The following MIS18BP1 variants were observed in gnomAD, a reference collection of about 807,000 sequenced individuals.
MIS18BP1 encodes MIS18 binding protein 1.
In MIS18BP1, 72 loss-of-function variants were observed where a neutral mutation model predicts 116.1. The observed-to-expected ratio is 0.62, with a 90% confidence interval of 0.51 to 0.75. MIS18BP1 has a LOEUF of 0.75. MIS18BP1 is among the 30% of genes least tolerant of loss of function. MIS18BP1 has a pLI of 0.00. For synonymous variants in MIS18BP1, 386 were observed against 427.0 expected, an observed-to-expected ratio of 0.90 and a Z score of 1.18; for missense variants, 1,363 against 1,303.2, an observed-to-expected ratio of 1.05 and a Z score of -0.71.
intron 14 of MIS18BP1, among the ~76,000 whole-genome samples, chr14:45,209,330 A>T (rs1890612557): frequency 6.6e-6 from 1 of 151,606 alleles, no homozygotes; most frequent in African/African-American, 2.4e-5. Context: ...ATCTTCATTA[A>T]TTTCTTTTTT....
intron 3 of MIS18BP1, 76 bp from the exon 4 acceptor site, chr14:45,242,594 G>T: frequency 6.7e-7 from 1 of 1,498,582 alleles, no homozygotes. Context: ...ATAAATTTAG[G>T]TTAGGAACGT....
At chr14:45,239,156 T>C (rs962031629) in intron 4 of MIS18BP1, among the ~76,000 whole-genome samples, 6 of 151,038 alleles carry the variant, frequency 4.0e-5, no homozygotes, top group African/African-American at 1.5e-4. Flanking sequence ...TCAACAAATA[T>C]TTGTTGAGTT....
Position 45,224,694 on chromosome 14 carries a change from C to A in MIS18BP1, c.1893G>T (p.Gln631His). 6.2e-7 allele frequency: 1 copy of A among 1,609,662 alleles called. No individual in the cohort carries two copies. The highest frequency in any genetic ancestry group is 8.5e-7 in the Non-Finnish European group (1 of 1,178,764). Reference protein sequence around the residue: ...VSIDILTSREQFFSDEERKYM... With the variant: ...VSIDILTSREHFFSDEERKYM... ...ATTTTCTTTCTTCATCTGAGAAAAACTGTTCCCTTGAGGTTAGAATATCAA... is the reference window on the plus strand; with the variant it reads ...ATTTTCTTTCTTCATCTGAGAAAAAATGTTCCCTTGAGGTTAGAATATCAA... The change falls in exon 11 of 17, where the codon CAG becomes CAT. Residue 631 changes from glutamine to histidine, a missense_variant. Coordinates refer to ENST00000310806, the MANE Select transcript of MIS18BP1 (RefSeq NM_018353.5).
chr14:45,227,612 T>A, intron 9 of MIS18BP1, 51 bp downstream of exon 9: 1 of 1,453,656 alleles, frequency 6.9e-7, no homozygotes, highest in Non-Finnish European at 9.4e-7. Flanking sequence ...CAGTAGTAAA[T>A]CACCCTTCTA....
intron 5 of MIS18BP1, 56 bp from the exon 6 acceptor site, chr14:45,236,000 CAG>C (rs1891420559): frequency 1.4e-6 from 2 of 1,463,930 alleles, no homozygotes; most frequent in East Asian, 2.3e-5. Flanking sequence ...AAATTTCTAA[CAG>C]AAAATAATTT....
At chr14:45,204,801 AT>A (rs1890466887) in intron 15 of MIS18BP1, among the ~76,000 whole-genome samples, 1 of 152,092 alleles carries the variant, frequency 6.6e-6, no homozygotes, top group Non-Finnish European at 1.5e-5. Context: ...AACTTAAAAT[AT>A]AAACACAATT....
At chr14:45,214,398 A>G (rs376273403) in intron 13 of MIS18BP1, among the ~76,000 whole-genome samples, 2 of 152,206 alleles carry the variant, frequency 1.3e-5, no homozygotes, top group African/African-American at 4.8e-5. Context: ...TTTATGACAC[A>G]GAGACCTTTG....
chr14:45,247,841 T>C (rs1258353899), intron 1 of MIS18BP1, among the ~76,000 whole-genome samples: 1 of 152,190 alleles, frequency 6.6e-6, no homozygotes, highest in Non-Finnish European at 1.5e-5. Flanking sequence ...AGATCTATTC[T>C]AATAAAAGCT....
Position 45,227,826 on chromosome 14 carries a change from A to G in MIS18BP1, c.1595-12T>C, listed in dbSNP as rs1268132044. ...ATTACTCTTCAGTTCTATGAATACA[A>G]AGATGGAGATTTCAATAAATGGTTA... On this transcript the variant is annotated splice_polypyrimidine_tract_variant and intron_variant, in intron 8 of 16. Transcript: ENST00000310806. 1 of 1,608,316 alleles carries G rather than the reference A, an allele frequency of 6.2e-7. No homozygotes were observed. Among genetic ancestry groups the G allele is most frequent in the Non-Finnish European group, 8.5e-7 (1 of 1,177,574 alleles).
chr14:45,211,790 A>C (rs1450545086), intron 13 of MIS18BP1, among the ~76,000 whole-genome samples: 1 of 152,244 alleles, frequency 6.6e-6, no homozygotes, highest in Non-Finnish European at 1.5e-5. Context: ...CTGACCCTGT[A>C]GTAAGAACAT....
intron 1 of MIS18BP1, among the ~76,000 whole-genome samples, chr14:45,252,644 C>G (rs1056181387): frequency 6.6e-6 from 1 of 152,006 alleles, no homozygotes; most frequent in Non-Finnish European, 1.5e-5. Flanking sequence ...TTGCAACAAG[C>G]ATGCAATTTA....
At chr14:45,226,566 A>G (rs1891127249) in intron 10 of MIS18BP1, among the ~76,000 whole-genome samples, 177 bp downstream of exon 10, 1 of 152,196 alleles carries the variant, frequency 6.6e-6, no homozygotes. Flanking sequence ...GGTTTTTAAA[A>G]GGGCTATTTT....
intron 11 of MIS18BP1, among the ~76,000 whole-genome samples, chr14:45,222,191 AAT>A (rs1890993815): frequency 6.6e-6 from 1 of 152,190 alleles, no homozygotes; most frequent in South Asian, 2.1e-4. Flanking sequence ...TCATTCTGAC[AAT>A]ATGTCTTTTA....
At chr14:45,237,456 A>G (rs1323154328) in intron 5 of MIS18BP1, among the ~76,000 whole-genome samples, 192 bp downstream of exon 5, 1 of 152,214 alleles carries the variant, frequency 6.6e-6, no homozygotes, top group Non-Finnish European at 1.5e-5. Flanking sequence ...ACTTGAGTAA[A>G]CATGCAAAAA....
chr14:45,235,207 C>CAAAA (rs201225566), intron 6 of MIS18BP1, among the ~76,000 whole-genome samples: 1 of 95,732 alleles, frequency 1.0e-5, no homozygotes, highest in Non-Finnish European at 2.2e-5. Context: ...ACTCCATCTC[C>CAAAA]AAAAAAAAAA....
In MIS18BP1 at chr14:45,237,636, T is replaced by C; in HGVS notation, c.1217+12A>G. On this transcript the variant is annotated intron_variant, in intron 5 of 16. Transcript: ENST00000310806. ...AAGTTTTATTAAAAGAATAATGAAA[T>C]AGTATACTTACATCAATTTTCCTTC... 6.3e-7 allele frequency: 1 copy of C among 1,587,654 alleles called. No homozygotes were observed. Among genetic ancestry groups the C allele is most frequent in the Middle Eastern group, 1.7e-4 (1 of 5,878 alleles).
intron 11 of MIS18BP1, among the ~76,000 whole-genome samples, chr14:45,218,884 G>A (rs1275741470): frequency 7.7e-6 from 1 of 129,578 alleles, no homozygotes; most frequent in Non-Finnish European, 1.8e-5. Context: ...TAGGTTATAA[G>A]CTATTAAAAA....
intron 1 of MIS18BP1, chr14:45,250,078 G>C (rs1238423248): frequency 6.6e-6 from 1 of 152,104 alleles, no homozygotes; most frequent in East Asian, 1.9e-4. Context: ...AGATAATTGT[G>C]GTCACGTTGA....
chr14:45,244,631 T>C (rs1395691332), intron 2 of MIS18BP1, among the ~76,000 whole-genome samples: 6 of 152,226 alleles, frequency 3.9e-5, no homozygotes, highest in Non-Finnish European at 7.3e-5. Context: ...CCATATTTAC[T>C]GGTTCCATTT....
Sources: gnomAD v4.1 joint callset for allele counts (sites outside exome capture counted in the v4.1 genomes callset) on GRCh38, gnomAD v4.1.1 for gene constraint, MANE v1.5 for transcripts, NCBI Gene and HGNC (gene_info 2026-07-23, HGNC 2026-07-21) for gene names.